Variants in CDH3 observed in about 807,000 individuals in gnomAD.
CDH3 encodes the protein cadherin 3, also known as cadherin-3.
A neutral mutation model predicts 82.0 loss-of-function variants in CDH3; 54 were observed. The observed-to-expected ratio is 0.66, with a 90% CI of 0.53 to 0.83. The LOEUF (loss-of-function observed/expected upper bound fraction) is 0.83, where lower values mean the gene tolerates loss of function less well. Ranked by LOEUF, CDH3 falls within the 40% of genes least tolerant of loss-of-function variation. The probability of loss-of-function intolerance (pLI) is 0.00; values close to 1 mark genes in which losing one functional copy is unlikely to be tolerated. For missense variants in CDH3, 1,054 were observed against 1,084.6 expected (o/e 0.97, Z 0.40); for synonymous variants, 446 against 437.9 (o/e 1.02, Z -0.23).
At chr16:68,694,612 G>A (rs1391768940) in intron 13 of CDH3, among the ~76,000 whole-genome samples, 5 of 96,408 alleles carry the variant, frequency 5.2e-5, no homozygotes, top group African/African-American at 1.9e-4. Flanking sequence ...ACAAGAGTGA[G>A]ACTCTGTCTC....
At chr16:68,645,908 G>A in intron 2 of CDH3, 158 bp downstream of exon 2, 1 of 618,060 alleles carries the variant, frequency 1.6e-6, no homozygotes. Context: ...ATTGGGGGTG[G>A]TGGCTGACGG....
chr16:68,705,040 T>C (rs1220747052), downstream of CDH3, among the ~76,000 whole-genome samples: 1 of 151,964 alleles, frequency 6.6e-6, no homozygotes, highest in African/African-American at 2.4e-5. Flanking sequence ...CCAGCCTGGG[T>C]GACAGAACAA....
At chr16:68,679,040 C>T (rs951291804) in intron 6 of CDH3, 134 bp downstream of exon 6, 3 of 885,940 alleles carry the variant, frequency 3.4e-6, no homozygotes, top group Admixed American at 2.2e-5. Context: ...GATTTCCCCC[C>T]TTCCATCCCA....
rs767837789 is a variant in CDH3 at position 68,698,228 on chromosome 16, C to T, written c.2318C>T (p.Pro773Leu). Reference sequence around the variant, plus strand: ...GCTAACACAGACCCCACAGCCCCGCCCTACGACACCCTCTTGGTGTTCGAC... The same window carrying T: ...GCTAACACAGACCCCACAGCCCCGCTCTACGACACCCTCTTGGTGTTCGAC... The part of the protein sequence containing the change: ...KAANTDPTAP[P>L]YDTLLVFDYE... Residue 773 changes from proline (P) to leucine (L), a missense_variant, in exon 16 of 16, where the codon CCC becomes CTC. Physicochemically the swap from Pro to Leu is moderately conservative, Grantham distance 98. Coordinates refer to ENST00000264012, the MANE Select transcript of CDH3 (RefSeq NM_001793.6). 1 of 1,614,236 alleles carries T rather than the reference C, an allele frequency of 6.2e-7. No homozygotes were observed. Among genetic ancestry groups the T allele is most frequent in the East Asian group, 2.2e-5 (1 of 44,890 alleles).
At chr16:68,691,580 G>T in intron 12 of CDH3, 140 bp from the exon 13 acceptor site, 1 of 719,950 alleles carries the variant, frequency 1.4e-6, no homozygotes, top group South Asian at 1.5e-5. Context: ...AGCTTTTACT[G>T]CTATTTTCCA....
intron 2 of CDH3, among the ~76,000 whole-genome samples, chr16:68,655,465 A>G (rs565436564): frequency 6.6e-6 from 1 of 152,350 alleles, no homozygotes; most frequent in East Asian, 1.9e-4. Flanking sequence ...CTAGTGAACA[A>G]AATGTGCAAA....
intron 11 of CDH3, among the ~76,000 whole-genome samples, chr16:68,685,882 G>A (rs189291235): frequency 2.0e-5 from 3 of 152,296 alleles, no homozygotes; most frequent in Non-Finnish European, 4.4e-5. Context: ...GAGTTGGGAG[G>A]GAGCCAGGTG....
chr16:68,675,663 G>T (rs867929365), intron 2 of CDH3, among the ~76,000 whole-genome samples: 4 of 151,932 alleles, frequency 2.6e-5, no homozygotes, highest in Non-Finnish European at 5.9e-5. Flanking sequence ...GCATGGTGGC[G>T]CACGCCTGTA....
intron 2 of CDH3, among the ~76,000 whole-genome samples, chr16:68,671,041 C>T (rs1468724617): frequency 2.6e-5 from 4 of 151,966 alleles, no homozygotes; most frequent in Non-Finnish European, 5.9e-5. Flanking sequence ...CCACTGCACT[C>T]CAGCCTGAGT....
intron 2 of CDH3, among the ~76,000 whole-genome samples, chr16:68,668,850 G>T (rs887732458): frequency 2.0e-5 from 3 of 152,192 alleles, no homozygotes; most frequent in African/African-American, 7.2e-5. Flanking sequence ...GTAGTCTAAG[G>T]TACCTTTTTA....
In CDH3 at chr16:68,699,784, G is replaced by T. The variant is rs970320972; in HGVS notation, c.*1384G>T. 5 of 152,108 alleles carry T rather than the reference G, an allele frequency of 3.3e-5. No homozygotes were observed. The highest frequency in any genetic ancestry group is 9.7e-5 in the African/African-American group (4 of 41,412). The allele number at this position is 152,108 out of a possible 1,614,324, so 9.4% of individuals were successfully genotyped here. A position where few individuals can be genotyped will look rare whatever the true frequency, so the allele number is the denominator to read the frequency against. ...GCTAGGATTACAGGCTTGAGCCACC[G>T]CGCCCAGCGCTGGCACATCATTTAA... On this transcript the variant is annotated 3_prime_UTR_variant, in exon 16 of 16. Coordinates refer to ENST00000264012, the MANE Select transcript of CDH3 (RefSeq NM_001793.6).
At chr16:68,695,753 C>T (rs770409974) in intron 14 of CDH3, 24 bp from the exon 15 acceptor site, 1 of 1,613,774 alleles carries the variant, frequency 6.2e-7, no homozygotes, top group Non-Finnish European at 8.5e-7. Context: ...CCTCAGTCAC[C>T]TGCTCTCCTG....
rs535344472 is a variant in CDH3, at chr16:68,719,435, G to C, written c.100-2990G>C. ...AGAAAAGGGCCCAGTGGTTGTCGGG[G>C]ACCAGGAATGAGGGGTGTGGTCATC... On this transcript the variant is annotated intron_variant, in intron 1 of 2. Coordinates refer to the CDH3 transcript ENST00000569080. Among the ~76,000 whole-genome samples the C allele has an allele frequency of 1.4e-4, 21 of 151,148 alleles. 1 individual carries two copies. In the South Asian group the frequency reaches 4.4e-3, roughly 31 times the overall value.
At chr16:68,711,757 G>A (rs1343479235) in intron 1 of CDH3, among the ~76,000 whole-genome samples, 1 of 152,200 alleles carries the variant, frequency 6.6e-6, no homozygotes, top group Non-Finnish European at 1.5e-5. Flanking sequence ...CTGAGTAGGG[G>A]GCACGAGGGC....
chr16:68,678,431 A>T (rs1961097702), intron 4 of CDH3, 70 bp from the exon 5 acceptor site: 2 of 1,594,836 alleles, frequency 1.3e-6, no homozygotes, highest in Admixed American at 3.3e-5. Context: ...GCCCCTCTTC[A>T]CAGAGGACTC....
intron 1 of CDH3, among the ~76,000 whole-genome samples, chr16:68,709,759 C>A (rs927598392): frequency 2.0e-5 from 3 of 152,058 alleles, no homozygotes; most frequent in African/African-American, 7.2e-5. Context: ...TTTTCTGTCT[C>A]CTTCATTTCT....
rs773953349 is a variant in CDH3 at position 68,695,211 on chromosome 16, T to C, written c.2003-44T>C. The C allele has an allele frequency of 3.1e-6, 5 of 1,612,954 alleles. No homozygotes were observed. The South Asian group carries it at 5.5e-5, about 18-fold the overall frequency. On this transcript the variant is annotated intron_variant, in intron 13 of 15. Transcript: ENST00000264012. ...TGAGGGCCTGGGGGTCTTGGCCCAC[T>C]GTGTGGTTACAGAGGGAGCACTCAC...
At chr16:68,731,871 A>T (rs1049585173), downstream of CDH3, among the ~76,000 whole-genome samples, 1 of 152,060 alleles carries the variant, frequency 6.6e-6, no homozygotes, top group Admixed American at 6.6e-5. Flanking sequence ...TGCAAAGACA[A>T]AAATAAAAAT....
rs368848411 is a variant in CDH3, at chr16:68,678,129, T to C, written c.247-5T>C. The C allele has an allele frequency of 1.9e-6, 3 of 1,612,726 alleles. No homozygotes were observed. Among genetic ancestry groups the C allele is most frequent in the Non-Finnish European group, 2.5e-6 (3 of 1,178,818 alleles). ...ATCTGGGTTAAGGAGTTTCTCTCCT[T>C]GCAGGAAAGAAGGTCACTGAAGGAA... On this transcript the variant is annotated splice_region_variant and splice_polypyrimidine_tract_variant and intron_variant, in intron 3 of 15. Coordinates refer to ENST00000264012, the MANE Select transcript of CDH3 (RefSeq NM_001793.6).
Sources: allele counts gnomAD v4.1 joint callset (sites outside exome capture counted in the v4.1 genomes callset), GRCh38; gene constraint gnomAD v4.1.1; transcripts MANE v1.5; gene names NCBI Gene and HGNC (gene_info 2026-07-23, HGNC 2026-07-21).